TSC22D1: variants seen among roughly 807,000 people sequenced by gnomAD.
The protein encoded by TSC22D1 is TSC22 domain family protein 1.
In TSC22D1, 9 loss-of-function variants were observed where a neutral mutation model predicts 74.2. That is an observed-to-expected ratio of 0.12 (90% CI 0.07 to 0.21). TSC22D1 has a LOEUF of 0.21. Ranked by LOEUF, TSC22D1 falls within the 10% of genes least tolerant of loss-of-function variation. The probability of loss-of-function intolerance (pLI) is 1.00; values close to 1 mark genes in which losing one functional copy is unlikely to be tolerated. For missense variants in TSC22D1, 1,427 were observed against 1,304.7 expected (o/e 1.09, Z -1.44); for synonymous variants, 586 against 492.5 (o/e 1.19, Z -2.51).
At chr13:44,517,829 G>GTATATATATATATATATATA in intron 1 of TSC22D1, among the ~76,000 whole-genome samples, 1 of 14,134 alleles carries the variant, frequency 7.1e-5, no homozygotes, top group South Asian at 3.3e-3. Flanking sequence ...GTGTGTGTGT[G>GTATATATATATATATATATA]TATATATATA....
At chr13:44,437,066 G>A (rs954069404) in intron 1 of TSC22D1, 2 of 971,780 alleles carry the variant, frequency 2.1e-6, no homozygotes, top group Non-Finnish European at 2.4e-6. Flanking sequence ...AGGGAGTGGG[G>A]TGCTGGGTTC....
rs534828107 is a variant in TSC22D1, at chr13:44,573,560, T to C, written c.2515A>G (p.Thr839Ala). The C allele has an allele frequency of 2.8e-5, 46 of 1,614,216 alleles. 1 individual carries two copies. In the East Asian group the frequency reaches 4.5e-4, roughly 16 times the overall value. The change falls in exon 1 of 3, where the codon ACT becomes GCT. Residue 839 changes from threonine to alanine, a missense_variant. By Grantham distance (58) the Thr-to-Ala change is moderately conservative. Transcript: ENST00000458659. ...SISVTSQVSS[T>A]GPSGMPSAPT... ...GCAGAAGGCATTCCAGAAGGACCAG[T>C]TGAACTAACCTGACTTGTAACAGAA...
intron 1 of TSC22D1, chr13:44,436,329 C>T: frequency 2.0e-6 from 2 of 977,928 alleles, no homozygotes; most frequent in South Asian, 3.2e-5. Context: ...GTGGGGAAAG[C>T]CTGTTCTCTG....
In TSC22D1 at chr13:44,574,410, G is replaced by C. The variant is rs146993055; in HGVS notation, c.1665C>G (p.Ser555Arg). The C allele has an allele frequency of 6.2e-7, 1 of 1,614,240 alleles. No individual in the cohort carries two copies. Among genetic ancestry groups the C allele is most frequent in the South Asian group, 1.1e-5 (1 of 91,086 alleles). ...GCTGAAGACCTTGCTTTTGCTGATA[G>C]CTCAGTTCTTGAGACTGTAATTGTA... is the stretch of plus-strand genomic sequence containing the variant. ...SQVQLQSQEL[S>R]YQQKQGLQPV... The change falls in exon 1 of 3, where the codon AGC becomes AGG. Residue 555 changes from serine to arginine, a missense_variant. Transcript: ENST00000458659.
At chr13:44,539,862 G>A (rs1369844947) in intron 1 of TSC22D1, 72 of 1,289,680 alleles carry the variant, frequency 5.6e-5, no homozygotes, top group Non-Finnish European at 7.0e-5. Flanking sequence ...AAAGCTCTCC[G>A]TGGTCTTGGC....
At chr13:44,526,840 T>C (rs1395804989) in intron 1 of TSC22D1, among the ~76,000 whole-genome samples, 1 of 152,194 alleles carries the variant, frequency 6.6e-6, no homozygotes, top group Admixed American at 6.5e-5. Flanking sequence ...GCAGAAAGTT[T>C]GGAGAACATG....
At chr13:44,473,403 G>A (rs897924032) in intron 1 of TSC22D1, among the ~76,000 whole-genome samples, 10 of 152,256 alleles carry the variant, frequency 6.6e-5, no homozygotes, top group African/African-American at 2.4e-4. Context: ...GCTGAGGCAG[G>A]AGGATCTCTT....
intron 1 of TSC22D1, among the ~76,000 whole-genome samples, chr13:44,465,162 C>A (rs187200971): frequency 6.6e-6 from 1 of 152,070 alleles, no homozygotes; most frequent in African/African-American, 2.4e-5. Flanking sequence ...GAAACTTTCA[C>A]GGTACTAGGA....
chr13:44,479,888 G>A (rs1878099151), intron 1 of TSC22D1, among the ~76,000 whole-genome samples: 1 of 152,142 alleles, frequency 6.6e-6, no homozygotes, highest in Non-Finnish European at 1.5e-5. Flanking sequence ...ATTTATTTAG[G>A]ACTAAAATGG....
At chr13:44,505,414 C>T (rs1382729596) in intron 1 of TSC22D1, among the ~76,000 whole-genome samples, 4 of 152,022 alleles carry the variant, frequency 2.6e-5, no homozygotes, top group African/African-American at 4.8e-5. Context: ...ATTAGCCAGG[C>T]GTGGTGGTGC....
chr13:44,513,116 C>G (rs1010034073), intron 1 of TSC22D1, among the ~76,000 whole-genome samples: 5 of 152,214 alleles, frequency 3.3e-5, no homozygotes, highest in African/African-American at 1.2e-4. Context: ...CTTGCCCATT[C>G]TCTAGGTCAG....
chr13:44,482,537 T>TCAAAA (rs1233999805), intron 1 of TSC22D1, among the ~76,000 whole-genome samples: 1 of 152,040 alleles, frequency 6.6e-6, no homozygotes, highest in Non-Finnish European at 1.5e-5. Context: ...AGACTCCATC[T>TCAAAA]CAAAACAAAA....
chr13:44,554,640 A>G (rs1380034736), intron 1 of TSC22D1, among the ~76,000 whole-genome samples: 1 of 114,768 alleles, frequency 8.7e-6, no homozygotes, highest in Non-Finnish European at 1.9e-5. Flanking sequence ...CAAAAAAAAA[A>G]AAAAAAAAAA....
chr13:44,535,774 A>T (rs1341644118), intron 1 of TSC22D1, among the ~76,000 whole-genome samples: 2 of 151,994 alleles, frequency 1.3e-5, no homozygotes, highest in Non-Finnish European at 2.9e-5. Context: ...AGCCAAATTC[A>T]ACATTCTGTA....
intron 1 of TSC22D1, among the ~76,000 whole-genome samples, chr13:44,551,769 T>C (rs981468867): frequency 1.3e-5 from 2 of 152,134 alleles, no homozygotes; most frequent in African/African-American, 4.8e-5. Context: ...GGTACAGTGG[T>C]TCAGACCTGT....
intron 1 of TSC22D1, chr13:44,536,636 G>T: frequency 4.5e-6 from 3 of 663,666 alleles, no homozygotes; most frequent in South Asian, 6.8e-5. Context: ...CTGGGTAAAG[G>T]AACTGTTTTT....
At chr13:44,538,953 A>G (rs1017285927) in intron 1 of TSC22D1, 4 of 985,312 alleles carry the variant, frequency 4.1e-6, no homozygotes, top group Non-Finnish European at 4.8e-6. Flanking sequence ...CACAGAAGGA[A>G]TCCACCAAGG....
chr13:44,434,937 T>G, intron 2 of TSC22D1, 54 bp from the exon 3 acceptor site: 1 of 1,476,290 alleles, frequency 6.8e-7, no homozygotes, highest in Non-Finnish European at 9.2e-7. Flanking sequence ...TCTGGACTCT[T>G]TTGAGTTTCC....
chr13:44,484,721 GAAT>G (rs1254077752), intron 1 of TSC22D1, among the ~76,000 whole-genome samples: 1 of 152,160 alleles, frequency 6.6e-6, no homozygotes, highest in Non-Finnish European at 1.5e-5. Flanking sequence ...CAGCACCACA[GAAT>G]AATAGTACAG....
Sources: gnomAD v4.1 joint callset for allele counts (sites outside exome capture counted in the v4.1 genomes callset) on GRCh38, gnomAD v4.1.1 for gene constraint, MANE v1.5 for transcripts, NCBI Gene and HGNC (gene_info 2026-07-23, HGNC 2026-07-21) for gene names.